Variants in RALGAPB observed in about 807,000 individuals in gnomAD.
The protein encoded by RALGAPB is ral GTPase-activating protein subunit beta.
RALGAPB carries 25 observed loss-of-function variants against 161.1 expected under a neutral mutation model. The observed-to-expected ratio is 0.16, with a 90% CI of 0.11 to 0.22. The LOEUF (loss-of-function observed/expected upper bound fraction) is 0.22, where lower values mean the gene tolerates loss of function less well. Among genes scored for constraint, RALGAPB ranks in the 10% least tolerant of loss-of-function variants. RALGAPB has a pLI of 1.00. For missense variants in RALGAPB, 1,391 were observed against 1,815.2 expected, an observed-to-expected ratio of 0.77 and a Z score of 4.25; for synonymous variants, 629 against 626.1, an observed-to-expected ratio of 1.00 and a Z score of -0.07.
In RALGAPB at chr20:38,492,975, T is replaced by C. The variant is rs1304916823; in HGVS notation, c.232T>C (p.Leu78=). The change falls in exon 3 of 30, where the codon TTG becomes CTG. Residue 78 remains leucine (L), a synonymous_variant. Coordinates refer to ENST00000262879, the MANE Select transcript of RALGAPB (RefSeq NM_020336.4). Reference sequence around the variant, plus strand: ...AATTTGCTATGGACTGACCCTTCCATTGGATGGAGAGACTGTAAAATATTG... The same window carrying C: ...AATTTGCTATGGACTGACCCTTCCACTGGATGGAGAGACTGTAAAATATTG... ...EVICYGLTLP[L]DGETVKYCVD... The C allele has an allele frequency of 1.2e-6, 2 of 1,612,678 alleles. No individual in the cohort carries two copies. The highest frequency in any genetic ancestry group is 1.7e-5 in the Admixed American group (1 of 59,998).
intron 18 of RALGAPB, among the ~76,000 whole-genome samples, chr20:38,543,103 A>G (rs945419474): frequency 6.6e-6 from 1 of 152,172 alleles, no homozygotes; most frequent in Non-Finnish European, 1.5e-5. Context: ...AGTAAGCTAC[A>G]TGGCTCATCT....
At chr20:38,501,160 G>C (rs1251921424) in intron 5 of RALGAPB, among the ~76,000 whole-genome samples, 1 of 152,186 alleles carries the variant, frequency 6.6e-6, no homozygotes, top group Non-Finnish European at 1.5e-5. Context: ...TCTTGTATTG[G>C]AAGAAGACAC....
chr20:38,481,324 A>G (rs1435064580), intron 1 of RALGAPB, among the ~76,000 whole-genome samples: 1 of 152,196 alleles, frequency 6.6e-6, no homozygotes, highest in East Asian at 1.9e-4. Flanking sequence ...CATGCTGCTG[A>G]TAAAGACATA....
chr20:38,476,236 G>A (rs569126766), intron 1 of RALGAPB, among the ~76,000 whole-genome samples: 2 of 152,322 alleles, frequency 1.3e-5, no homozygotes, highest in South Asian at 2.1e-4. Context: ...ACCTAGAAAT[G>A]GATTCTGTTT....
chr20:38,484,725 A>G (rs1214571747), intron 1 of RALGAPB, among the ~76,000 whole-genome samples: 3 of 152,086 alleles, frequency 2.0e-5, no homozygotes, highest in Non-Finnish European at 2.9e-5. Flanking sequence ...CTTGTATACT[A>G]GCTCTTGTTG....
Position 38,575,059 on chromosome 20 carries a change from A to T in RALGAPB, c.*92A>T, listed in dbSNP as rs1307802116. 1.9e-6 allele frequency: 2 copies of T among 1,063,606 alleles called. No homozygotes were observed. Among genetic ancestry groups the T allele is most frequent in the South Asian group, 1.4e-5 (1 of 71,636 alleles). The allele number at this position is 1,063,606 out of a possible 1,614,324, so 65.9% of individuals were successfully genotyped here. A position where few individuals can be genotyped will look rare whatever the true frequency, so the allele number is the denominator to read the frequency against. On this transcript the variant is annotated 3_prime_UTR_variant, in exon 30 of 30. Transcript: ENST00000262879. ...GGTGATCACTGTAAAAATAAAAACA[A>T]ATCACTCCCAAGAGCTTACTGTTTA...
intron 1 of RALGAPB, among the ~76,000 whole-genome samples, chr20:38,480,944 G>A (rs1465198470): frequency 6.6e-6 from 1 of 151,148 alleles, no homozygotes. Context: ...GTTTCACCGT[G>A]TTAGGATGGT....
At chr20:38,554,959 C>T (rs1265791746) in intron 22 of RALGAPB, among the ~76,000 whole-genome samples, 1 of 152,112 alleles carries the variant, frequency 6.6e-6, no homozygotes, top group Non-Finnish European at 1.5e-5. Context: ...GGTGGCACAC[C>T]TATAATACTA....
At position 38,562,543 on chromosome 20, in the gene RALGAPB, T is replaced by C; in HGVS notation, c.3543T>C (p.Asn1181=). 1 of 1,603,734 alleles carries C rather than the reference T, an allele frequency of 6.2e-7. No individual in the cohort carries two copies. The highest frequency in any genetic ancestry group is 8.5e-7 in the Non-Finnish European group (1 of 1,174,942). ...GGTATGTATTTCAGATTTTAAAGAA[T>C]GTGGAGTCTTCCAGAACTGTTCAGC... The part of the protein sequence containing the change: ...GQKTNQEILK[N]VESSRTVQPH... The change falls in exon 24 of 30, where the codon AAT becomes AAC. Residue 1181 remains asparagine, a synonymous_variant. Transcript: ENST00000262879.
rs1017167887 is a variant in RALGAPB at position 38,517,600 on chromosome 20, T to G, written c.1146T>G (p.His382Gln). ...QSAAVSTTPP[H>Q]NRRHRAVTVN... Reference sequence around the variant, plus strand: ...CTGCTGTCAGTACCACCCCCCCACATAACCGGAGGCACCGGGCTGTTACTG... The same window carrying G: ...CTGCTGTCAGTACCACCCCCCCACAGAACCGGAGGCACCGGGCTGTTACTG... Residue 382 changes from histidine (H) to glutamine (Q), a missense_variant, in exon 8 of 30, where the codon CAT becomes CAG. This residue lies in a region of RALGAPB where 946 missense variants were observed against 1,257.2 expected (regional missense o/e 0.75). Coordinates refer to ENST00000262879, the MANE Select transcript of RALGAPB (RefSeq NM_020336.4). 24 of 1,613,662 alleles carry G rather than the reference T, an allele frequency of 1.5e-5. No homozygotes were observed. Among genetic ancestry groups the G allele is most frequent in the Non-Finnish European group, 2.0e-5 (24 of 1,179,938 alleles).
At chr20:38,496,202 T>C (rs2085423146) in intron 3 of RALGAPB, among the ~76,000 whole-genome samples, 1 of 152,174 alleles carries the variant, frequency 6.6e-6, no homozygotes, top group African/African-American at 2.4e-5. Flanking sequence ...CATTTTGCTT[T>C]AGGTCTGACT....
rs375243713 is a variant in RALGAPB at position 38,502,020 on chromosome 20, CTA to C, written c.740+2392_740+2393del. 2.0e-3 allele frequency among the ~76,000 whole-genome samples: 303 copies of C among 152,160 alleles called. 4 individuals are homozygous for C. Among genetic ancestry groups the C allele is most frequent in the African/African-American group, 6.7e-3 (279 of 41,504 alleles). The stretch of plus-strand genomic sequence containing the variant: ...ACTTATGCATACAAATGCTTATAGA[CTA>C]TATACATGATACCATTTGCAGTAAT... On this transcript the variant is annotated intron_variant, in intron 5 of 29. Coordinates refer to ENST00000262879, the MANE Select transcript of RALGAPB (RefSeq NM_020336.4).
rs1205723529 is a variant in RALGAPB at position 38,488,536 on chromosome 20, A to G, written c.104A>G (p.Asn35Ser). 6.2e-7 allele frequency: 1 copy of G among 1,614,090 alleles called. No homozygotes were observed. Among genetic ancestry groups the G allele is most frequent in the Admixed American group, 1.7e-5 (1 of 60,010 alleles). ...GAGAGCGTTGGACGAGAGGTGGCAA[A>G]TGCTGTAGTCCGTCCTCTTGGGCAG... ...YPESVGREVA[N>S]AVVRPLGQVL... The change falls in exon 2 of 30, where the codon AAT becomes AGT. Residue 35 changes from asparagine to serine, a missense_variant. By Grantham distance (46) the Asn-to-Ser change is conservative. Coordinates refer to ENST00000262879, the MANE Select transcript of RALGAPB (RefSeq NM_020336.4).
chr20:38,536,710 C>T (rs2086817928), intron 16 of RALGAPB, among the ~76,000 whole-genome samples: 1 of 152,086 alleles, frequency 6.6e-6, no homozygotes, highest in Non-Finnish European at 1.5e-5. Context: ...ATTTTGTGAA[C>T]AAAGAGCCGA....
At chr20:38,499,329 G>A (rs914227737) in intron 4 of RALGAPB, 118 bp from the exon 5 acceptor site, 64 of 967,830 alleles carry the variant, frequency 6.6e-5, no homozygotes, top group Non-Finnish European at 9.0e-5. Flanking sequence ...TTATTTGAAA[G>A]TCAAAACTTA....
At chr20:38,521,287 C>T (rs1410076031) in intron 9 of RALGAPB, among the ~76,000 whole-genome samples, 1 of 152,150 alleles carries the variant, frequency 6.6e-6, no homozygotes, top group Middle Eastern at 3.2e-3. Flanking sequence ...GTTAAACTGA[C>T]AATGCCACTG....
chr20:38,485,501 T>TA (rs1467424676), intron 1 of RALGAPB, among the ~76,000 whole-genome samples: 1 of 152,066 alleles, frequency 6.6e-6, no homozygotes, highest in Non-Finnish European at 1.5e-5. Context: ...GATCTCAGCT[T>TA]ACTGCAACCT....
intron 13 of RALGAPB, among the ~76,000 whole-genome samples, chr20:38,528,716 T>C (rs2086550867): frequency 6.6e-6 from 1 of 152,004 alleles, no homozygotes; most frequent in African/African-American, 2.4e-5. Flanking sequence ...AGTCTCGCTG[T>C]GTCACCCAGG....
intron 3 of RALGAPB, 30 bp downstream of exon 3, chr20:38,493,162 A>T: frequency 2.0e-6 from 3 of 1,521,322 alleles, no homozygotes; most frequent in Non-Finnish European, 2.7e-6. Flanking sequence ...CTGGCCCATT[A>T]TCAGGGTCAT....
Sources: gnomAD v4.1 joint callset for allele counts (sites outside exome capture counted in the v4.1 genomes callset) on GRCh38, gnomAD v4.1.1 for gene constraint, gnomAD v4.1.1 regional missense constraint, MANE v1.5 for transcripts, NCBI Gene and HGNC (gene_info 2026-07-23, HGNC 2026-07-21) for gene names.